Variants in COL22A1 observed in about 807,000 individuals in gnomAD.
COL22A1 encodes the protein collagen alpha-1(XXII) chain.
A neutral mutation model predicts 248.9 loss-of-function variants in COL22A1; 221 were observed. The observed-to-expected ratio is 0.89, with a 90% CI of 0.80 to 0.99. COL22A1 has a LOEUF of 0.99. Ranked by LOEUF, COL22A1 falls within the 50% of genes least tolerant of loss-of-function variation. COL22A1 has a pLI of 0.00. For missense variants in COL22A1, 2,240 were observed against 2,179.0 expected (o/e 1.03, Z -0.56); for synonymous variants, 891 against 793.4 (o/e 1.12, Z -2.07).
At chr8:138,764,179 G>A (rs1833738733) in intron 16 of COL22A1, among the ~76,000 whole-genome samples, 1 of 152,168 alleles carries the variant, frequency 6.6e-6, no homozygotes, top group South Asian at 2.1e-4. Flanking sequence ...CTCGCTGTGG[G>A]TGCCTGCCCA....
intron 40 of COL22A1, among the ~76,000 whole-genome samples, chr8:138,678,122 T>G (rs868436827): frequency 3.2e-4 from 48 of 152,210 alleles, no homozygotes; most frequent in African/African-American, 1.0e-3. Context: ...TATGTATTCA[T>G]TCAACTAATG....
At chr8:138,665,775 G>T (rs1824451465) in intron 41 of COL22A1, among the ~76,000 whole-genome samples, 1 of 151,778 alleles carries the variant, frequency 6.6e-6, no homozygotes, top group African/African-American at 2.4e-5. Context: ...CAACAAAAAA[G>T]GTCTATTAAA....
intron 6 of COL22A1, among the ~76,000 whole-genome samples, chr8:138,821,826 C>T (rs1464061669): frequency 1.3e-5 from 2 of 152,062 alleles, no homozygotes; most frequent in South Asian, 2.1e-4. Flanking sequence ...CTTTTAAAAT[C>T]GTGGGCTGGT....
At chr8:138,876,269 C>T (rs1302163448) in intron 3 of COL22A1, among the ~76,000 whole-genome samples, 1 of 152,152 alleles carries the variant, frequency 6.6e-6, no homozygotes, top group Non-Finnish European at 1.5e-5. Context: ...AGTTCATGCC[C>T]ATCCTCTAAA....
chr8:138,855,344 C>T (rs1162080717), intron 3 of COL22A1, among the ~76,000 whole-genome samples: 1 of 152,198 alleles, frequency 6.6e-6, no homozygotes, highest in African/African-American at 2.4e-5. Context: ...GGTAAAGCCC[C>T]TCATCCAAAG....
At chr8:138,742,754 TTGATGGTGATGGTGGTAGTGATTG>T (rs1436447848) in intron 22 of COL22A1, among the ~76,000 whole-genome samples, 2 of 141,644 alleles carry the variant, frequency 1.4e-5, no homozygotes, top group African/African-American at 2.6e-5. Context: ...GATGGTGGAG[TTGATGGTGATGGTGGTAGTGATTG>T]TGATGGTGAT....
At position 138,883,068 on chromosome 8, in the gene COL22A1, C is replaced by CA; in HGVS notation, c.91+13dup. The CA allele has an allele frequency of 6.4e-7, 1 of 1,565,546 alleles. No homozygotes were observed. The highest frequency in any genetic ancestry group is 8.6e-7 in the Non-Finnish European group (1 of 1,157,646). On this transcript the variant is annotated intron_variant, in intron 2 of 64. Transcript: ENST00000303045. Reference sequence around the variant, plus strand: ...GTCCCCAGCACAGCATGGCACAGCCCACGGTGGCCCCACCTGCCCGCTGAG... The same window carrying CA: ...GTCCCCAGCACAGCATGGCACAGCCCAACGGTGGCCCCACCTGCCCGCTGAG...
Position 138,608,007 on chromosome 8 carries a change from G to A in COL22A1, c.3979-18C>T. ...TTCTTGCCCTGGTGGAAGAAACAGA[G>A]GTAATCATCCTGCCAGGGCATCAAA... On this transcript the variant is annotated intron_variant, in intron 56 of 64. Transcript: ENST00000303045. The A allele has an allele frequency of 1.2e-6, 2 of 1,613,420 alleles. No individual in the cohort carries two copies. The highest frequency in any genetic ancestry group is 1.7e-6 in the Non-Finnish European group (2 of 1,179,584).
At chr8:138,642,530 T>C (rs1821805000) in intron 47 of COL22A1, among the ~76,000 whole-genome samples, 6 of 152,160 alleles carry the variant, frequency 3.9e-5, no homozygotes, top group Admixed American at 3.9e-4. Context: ...CTAATTGTTG[T>C]TCTTTTTTTC....
intron 6 of COL22A1, among the ~76,000 whole-genome samples, chr8:138,822,842 CCT>C: frequency 6.6e-6 from 1 of 152,294 alleles, no homozygotes; most frequent in Non-Finnish European, 1.5e-5. Flanking sequence ...CATATATCCT[CCT>C]CTGTGACTCT....
intron 1 of COL22A1, among the ~76,000 whole-genome samples, chr8:138,884,777 T>C (rs1172366620): frequency 6.6e-6 from 1 of 151,812 alleles, no homozygotes; most frequent in African/African-American, 2.4e-5. Flanking sequence ...GGCAGGGGAG[T>C]GAGCTCATGG....
intron 17 of COL22A1, among the ~76,000 whole-genome samples, chr8:138,761,323 G>A (rs560806728): frequency 6.0e-4 from 91 of 152,284 alleles, no homozygotes; most frequent in Non-Finnish European, 1.0e-3. Context: ...TCAATAAATC[G>A]TGGTACATTC....
intron 41 of COL22A1, among the ~76,000 whole-genome samples, chr8:138,670,355 G>A (rs1004590260): frequency 2.0e-5 from 3 of 152,174 alleles, no homozygotes; most frequent in African/African-American, 7.2e-5. Context: ...ACTGGGCAGG[G>A]CAAGAGTGGA....
chr8:138,865,591 A>G (rs940179203), intron 3 of COL22A1, among the ~76,000 whole-genome samples: 33 of 129,866 alleles, frequency 2.5e-4, no homozygotes, highest in African/African-American at 8.9e-4. Context: ...GTGTGAGTGT[A>G]TGTGTGTGTA....
At chr8:138,656,042 A>G (rs1006826863) in intron 44 of COL22A1, 98 bp from the exon 45 acceptor site, 3 of 959,118 alleles carry the variant, frequency 3.1e-6, no homozygotes, top group South Asian at 1.3e-5. Flanking sequence ...GTGTGACACA[A>G]TACGTGACAC....
chr8:138,633,051 C>G (rs1185315440), intron 49 of COL22A1, among the ~76,000 whole-genome samples: 1 of 152,120 alleles, frequency 6.6e-6, no homozygotes, highest in Non-Finnish European at 1.5e-5. Flanking sequence ...TACCCATATC[C>G]CTGCATATTT....
At chr8:138,619,604 G>T in intron 52 of COL22A1, 96 bp from the exon 53 acceptor site, 2 of 1,199,242 alleles carry the variant, frequency 1.7e-6, no homozygotes, top group Non-Finnish European at 1.2e-6. Flanking sequence ...ATTCCCACAA[G>T]CCAGTTTCTA....
chr8:138,841,110 A>C (rs1332140839), intron 4 of COL22A1, among the ~76,000 whole-genome samples: 1 of 151,572 alleles, frequency 6.6e-6, no homozygotes, highest in African/African-American at 2.4e-5. Flanking sequence ...CCATCCCTCC[A>C]TCCAGCCTCC....
intron 63 of COL22A1, 137 bp from the exon 64 acceptor site, chr8:138,591,638 A>G: frequency 1.9e-6 from 1 of 525,012 alleles, no homozygotes; most frequent in Non-Finnish European, 3.2e-6. Flanking sequence ...GAGCACACAC[A>G]CTCATGCCGC....
Sources: allele counts gnomAD v4.1 joint callset (sites outside exome capture counted in the v4.1 genomes callset), GRCh38; gene constraint gnomAD v4.1.1; transcripts MANE v1.5; gene names NCBI Gene and HGNC (gene_info 2026-07-23, HGNC 2026-07-21).